Variants in NFATC2 observed in about 807,000 individuals in gnomAD.
The protein encoded by NFATC2 is nuclear factor of activated T cells 2, also known as nuclear factor of activated T-cells, cytoplasmic 2.
NFATC2 carries 22 observed loss-of-function variants against 87.3 expected under a neutral mutation model. That is an observed-to-expected ratio of 0.25 (90% CI 0.18 to 0.36). The LOEUF is 0.36. Ranked by LOEUF, NFATC2 falls within the 10% of genes least tolerant of loss-of-function variation. The pLI is 1.00. For synonymous variants in NFATC2, 565 were observed against 542.2 expected (o/e 1.04, Z -0.58); for missense variants, 1,149 against 1,259.1 (o/e 0.91, Z 1.32).
chr20:51,530,240 C>T (rs2076611165), intron 1 of NFATC2, among the ~76,000 whole-genome samples: 1 of 152,122 alleles, frequency 6.6e-6, no homozygotes, highest in Non-Finnish European at 1.5e-5. Flanking sequence ...GATCTCGACT[C>T]ACTGCAACCT....
At chr20:51,425,575 C>T (rs1376955726) in intron 9 of NFATC2, among the ~76,000 whole-genome samples, 6 of 152,208 alleles carry the variant, frequency 3.9e-5, no homozygotes, top group Admixed American at 6.5e-5. Context: ...CAGGGCTCTG[C>T]GGTGACCAGG....
intron 3 of NFATC2, among the ~76,000 whole-genome samples, chr20:51,485,428 C>T (rs960740994): frequency 3.3e-5 from 5 of 152,250 alleles, no homozygotes; most frequent in African/African-American, 9.6e-5. Flanking sequence ...TCCCTACCAA[C>T]ATTCCCGTCC....
intron 6 of NFATC2, among the ~76,000 whole-genome samples, chr20:51,441,053 C>G (rs1405792539): frequency 6.6e-6 from 1 of 151,330 alleles, no homozygotes; most frequent in Non-Finnish European, 1.5e-5. Context: ...GAGGCCGAGG[C>G]GAGTGGATCA....
chr20:51,391,673 C>G (rs184664421), intron 10 of NFATC2, among the ~76,000 whole-genome samples: 102 of 151,980 alleles, frequency 6.7e-4, no homozygotes, highest in African/African-American at 2.4e-3. Flanking sequence ...CGCCACCACA[C>G]CTGACTACAT....
chr20:51,421,802 G>A (rs138579203), intron 9 of NFATC2, among the ~76,000 whole-genome samples: 6 of 152,226 alleles, frequency 3.9e-5, no homozygotes, highest in South Asian at 2.1e-4. Flanking sequence ...AAATATCTGC[G>A]GGCGAAATGC....
intron 3 of NFATC2, among the ~76,000 whole-genome samples, chr20:51,514,233 T>C (rs1186469585): frequency 1.3e-5 from 2 of 152,336 alleles, no homozygotes; most frequent in East Asian, 1.9e-4. Flanking sequence ...GCCTGGTACA[T>C]AGTAGGTGCT....
chr20:51,542,445 C>A lies in NFATC2; in HGVS notation c.55G>T (p.Glu19Ter). 1 of 1,592,082 alleles carries A rather than the reference C, an allele frequency of 6.3e-7. No homozygotes were observed. The highest frequency in any genetic ancestry group is 8.5e-7 in the Non-Finnish European group (1 of 1,170,582). Reference protein sequence around the residue: ...QPDGGDAPGHEPGGSPQDELD... With the variant: ...QPDGGDAPGH The stretch of plus-strand genomic sequence containing the variant: ...TCGTCTTGGGGGCTGCCCCCAGGCT[C>A]GTGGCCTGGGGCGTCCCCGCCGTCG... Residue 19 changes from glutamate (E) to a stop codon, truncating the protein, a stop_gained, in exon 1 of 11, where the codon GAG becomes TAG. Coordinates refer to ENST00000371564, the MANE Select transcript of NFATC2 (RefSeq NM_012340.5). LOFTEE classifies it high-confidence loss of function.
Position 51,458,369 on chromosome 20 carries a change from T to C in NFATC2, c.1709-3681A>G, listed in dbSNP as rs77193274. 4.2e-3 allele frequency among the ~76,000 whole-genome samples: 641 copies of C among 152,184 alleles called. 3 individuals are homozygous for C. Among genetic ancestry groups the C allele is most frequent in the African/African-American group, 0.014 (599 of 41,502 alleles). On this transcript the variant is annotated intron_variant, in intron 5 of 10. Coordinates refer to ENST00000371564, the MANE Select transcript of NFATC2 (RefSeq NM_012340.5). ...ACCCCCCAGCTGTGACAACCAAGAT[T>C]GTCTCCAGACAAGGCTGGATATCCC...
At chr20:51,509,517 C>T (rs2076238992) in intron 3 of NFATC2, among the ~76,000 whole-genome samples, 1 of 152,206 alleles carries the variant, frequency 6.6e-6, no homozygotes. Flanking sequence ...TTCCCTTCCC[C>T]TCCCCAGGAG....
chr20:51,542,635 G>C lies in NFATC2; in HGVS notation c.-136C>G. The stretch of plus-strand genomic sequence containing the variant: ...CCTCGTAGGGACGCACGCCGGGTCC[G>C]GGGACGGCGCGCCTGGCGCAGCGGG... On this transcript the variant is annotated 5_prime_UTR_variant, in exon 1 of 11. Transcript: ENST00000371564. 2 of 1,196,092 alleles carry C rather than the reference G, an allele frequency of 1.7e-6. No individual in the cohort carries two copies. Among genetic ancestry groups the C allele is most frequent in the Non-Finnish European group, 2.1e-6 (2 of 963,278 alleles). The allele number at this position is 1,196,092 out of a possible 1,614,324, so 74.1% of individuals were successfully genotyped here.
intron 1 of NFATC2, among the ~76,000 whole-genome samples, chr20:51,554,457 A>G (rs1159175291): frequency 1.3e-5 from 2 of 152,238 alleles, no homozygotes; most frequent in African/African-American, 4.8e-5. Context: ...GAGGCTTGGT[A>G]GAAAGTGGAT....
chr20:51,464,587 C>G (rs1184324779), intron 5 of NFATC2, among the ~76,000 whole-genome samples: 1 of 151,752 alleles, frequency 6.6e-6, no homozygotes, highest in Non-Finnish European at 1.5e-5. Context: ...CCTGGCCAAC[C>G]TGCTCTCTGC....
At chr20:51,404,104 GC>G in intron 9 of NFATC2, among the ~76,000 whole-genome samples, 1 of 151,798 alleles carries the variant, frequency 6.6e-6, no homozygotes, top group East Asian at 1.9e-4. Flanking sequence ...TGCCTAGGAG[GC>G]CCTCTTTTTC....
chr20:51,452,050 T>A (rs2146417276), intron 6 of NFATC2, among the ~76,000 whole-genome samples: 1 of 152,302 alleles, frequency 6.6e-6, no homozygotes, highest in Non-Finnish European at 1.5e-5. Context: ...TGGTCCCTGG[T>A]GCCAAAAAGG....
intron 3 of NFATC2, among the ~76,000 whole-genome samples, 179 bp downstream of exon 3, chr20:51,516,605 G>A (rs537364771): frequency 6.6e-6 from 1 of 152,162 alleles, no homozygotes; most frequent in Non-Finnish European, 1.5e-5. Context: ...TTCTCTTCTG[G>A]CTTATGAGTA....
chr20:51,549,871 G>A (rs2076918652), intron 1 of NFATC2, among the ~76,000 whole-genome samples: 1 of 152,206 alleles, frequency 6.6e-6, no homozygotes, highest in African/African-American at 2.4e-5. Flanking sequence ...TTGGTTGAAT[G>A]CTCTGCTGTT....
intron 3 of NFATC2, among the ~76,000 whole-genome samples, chr20:51,507,517 T>C (rs538425242): frequency 9.9e-5 from 15 of 152,236 alleles, no homozygotes; most frequent in East Asian, 1.9e-4. Context: ...ATGCCTTCTC[T>C]GTGCCAAAGA....
chr20:51,528,085 CAA>C (rs56201141), intron 1 of NFATC2, among the ~76,000 whole-genome samples: 1,480 of 94,200 alleles, frequency 0.016, 35 homozygotes, highest in Admixed American at 0.078. Flanking sequence ...GAACCTGTCC[CAA>C]AAAAAAAAAA....
rs915017228 is a variant in NFATC2 at position 51,548,969 on chromosome 20, T to C, written c.70+13591A>G. On this transcript the variant is annotated intron_variant, in intron 1 of 10. Coordinates refer to the NFATC2 transcript ENST00000414705. ...ATAACATGTCATCTGACTCAATGGCTTCAGGGAAATTCTACCTGCACATGT... is the reference window on the plus strand; with the variant it reads ...ATAACATGTCATCTGACTCAATGGCCTCAGGGAAATTCTACCTGCACATGT... Among the ~76,000 whole-genome samples, 21 of 152,182 alleles carry C rather than the reference T, an allele frequency of 1.4e-4. No homozygotes were observed. The South Asian group carries it at 1.9e-3, about 13-fold the overall frequency.
Sources: allele counts gnomAD v4.1 joint callset (sites outside exome capture counted in the v4.1 genomes callset), GRCh38; gene constraint gnomAD v4.1.1; transcripts MANE v1.5; gene names NCBI Gene and HGNC (gene_info 2026-07-23, HGNC 2026-07-21).